The following TMEM135 variants were observed in gnomAD, a reference collection of about 807,000 sequenced individuals.
TMEM135 encodes peroxisomal membrane protein 52.
A neutral mutation model predicts 60.3 loss-of-function variants in TMEM135; 30 were observed. The observed-to-expected ratio is 0.50, with a 90% CI of 0.37 to 0.68. The LOEUF (loss-of-function observed/expected upper bound fraction) is 0.68. TMEM135 is among the 30% of genes least tolerant of loss of function. The pLI, the probability that TMEM135 is intolerant of heterozygous loss-of-function variation, is 0.00. For missense variants in TMEM135, 468 were observed against 548.8 expected, an observed-to-expected ratio of 0.85 and a Z score of 1.47; for synonymous variants, 190 against 186.7, an observed-to-expected ratio of 1.02 and a Z score of -0.14.
intron 7 of TMEM135, among the ~76,000 whole-genome samples, chr11:87,299,382 C>G (rs985837328): frequency 6.6e-6 from 1 of 152,154 alleles, no homozygotes; most frequent in African/African-American, 2.4e-5. Context: ...ACCATTAGCT[C>G]TCCTGAGAAC....
intron 6 of TMEM135, among the ~76,000 whole-genome samples, chr11:87,271,565 T>TATCTC (rs1941863590): frequency 4.2e-3 from 1 of 240 alleles, no homozygotes; most frequent in African/African-American, 0.038. Context: ...AGAATGCAAA[T>TATCTC]ATTAATAATA....
chr11:87,198,492 G>GT (rs1441775293), intron 5 of TMEM135, among the ~76,000 whole-genome samples: 1 of 151,636 alleles, frequency 6.6e-6, no homozygotes, highest in Non-Finnish European at 1.5e-5. Flanking sequence ...TTGTTAGTTG[G>GT]TTTTTCCTTC....
At chr11:87,315,776 G>A (rs1942717831) in intron 12 of TMEM135, among the ~76,000 whole-genome samples, 1 of 151,870 alleles carries the variant, frequency 6.6e-6, no homozygotes, top group Non-Finnish European at 1.5e-5. Context: ...TAGTACCTTA[G>A]CATCCTGCAA....
intron 4 of TMEM135, among the ~76,000 whole-genome samples, chr11:87,102,946 T>C (rs1177273111): frequency 6.6e-6 from 1 of 152,094 alleles, no homozygotes; most frequent in Middle Eastern, 3.2e-3. Context: ...CCCTCTTCCC[T>C]TGGGCTCTGT....
At position 87,258,396 on chromosome 11, in the gene TMEM135, C is replaced by T. The variant is rs182766182; in HGVS notation, c.509+21712C>T. On this transcript the variant is annotated intron_variant, in intron 6 of 14. Coordinates refer to ENST00000305494, the MANE Select transcript of TMEM135 (RefSeq NM_022918.4). The stretch of plus-strand genomic sequence containing the variant: ...TCTTATACATAGGGATTCATAGTGG[C>T]CACATTACACCACAGTTGTAATGCA... 1.1e-3 allele frequency among the ~76,000 whole-genome samples: 163 copies of T among 152,168 alleles called. 1 individual carries two copies. Among genetic ancestry groups the T allele is most frequent in the African/African-American group, 3.7e-3 (153 of 41,510 alleles).
At chr11:87,155,973 T>TTG (rs1938684669) in intron 4 of TMEM135, among the ~76,000 whole-genome samples, 1 of 152,220 alleles carries the variant, frequency 6.6e-6, no homozygotes, top group Admixed American at 6.5e-5. Context: ...GTATGTACTG[T>TTG]TTCTAGACTT....
chr11:87,183,998 A>G (rs999688499), intron 5 of TMEM135, among the ~76,000 whole-genome samples: 31 of 148,670 alleles, frequency 2.1e-4, no homozygotes, highest in African/African-American at 6.9e-4. Flanking sequence ...TTAAACGAAT[A>G]TTTACCTTTT....
At chr11:87,064,044 G>C (rs906798379) in intron 1 of TMEM135, among the ~76,000 whole-genome samples, 1 of 152,056 alleles carries the variant, frequency 6.6e-6, no homozygotes, top group African/African-American at 2.4e-5. Flanking sequence ...GCTATCCAAC[G>C]GTTTTCCAAG....
intron 5 of TMEM135, among the ~76,000 whole-genome samples, chr11:87,162,198 A>AT (rs894577465): frequency 7.5e-4 from 86 of 115,038 alleles, no homozygotes; most frequent in African/African-American, 2.5e-3. Context: ...TATATCTTTT[A>AT]TTTTTTTTTG....
chr11:87,303,347 C>T (rs748814445), intron 8 of TMEM135, among the ~76,000 whole-genome samples: 2 of 152,154 alleles, frequency 1.3e-5, no homozygotes, highest in East Asian at 1.9e-4. Flanking sequence ...AACCACCCCC[C>T]TCTCCAGCCA....
chr11:87,066,779 C>CTTTTTTTTTTTTTTT (rs201355341), intron 1 of TMEM135, among the ~76,000 whole-genome samples: 2 of 129,178 alleles, frequency 1.5e-5, no homozygotes, highest in Admixed American at 7.9e-5. Context: ...TTACTAGATT[C>CTTTTTTTTTTTTTTT]TTTCTTTTTT....
intron 5 of TMEM135, among the ~76,000 whole-genome samples, chr11:87,230,345 A>T (rs1940864628): frequency 6.6e-6 from 1 of 152,114 alleles, no homozygotes; most frequent in Non-Finnish European, 1.5e-5. Context: ...TGAAAACAGC[A>T]ATTTCAGAAT....
intron 4 of TMEM135, among the ~76,000 whole-genome samples, chr11:87,120,107 C>CTTT (rs1565449165): frequency 1.5e-4 from 13 of 84,926 alleles, no homozygotes; most frequent in East Asian, 6.9e-4. Flanking sequence ...CTGTTTTTTT[C>CTTT]TTCTTCTTCT....
intron 6 of TMEM135, among the ~76,000 whole-genome samples, chr11:87,288,128 A>G (rs1349602930): frequency 2.0e-5 from 3 of 152,188 alleles, no homozygotes; most frequent in African/African-American, 2.4e-5. Flanking sequence ...TACGTATCCT[A>G]TTAGAGGACT....
chr11:87,053,597 C>T lies in TMEM135; in HGVS notation c.142-14097C>T, dbSNP rs1041273159. Among the ~76,000 whole-genome samples, 5 of 151,124 alleles carry T rather than the reference C, an allele frequency of 3.3e-5. No homozygotes were observed. The East Asian group carries it at 7.7e-4, about 23-fold the overall frequency. On this transcript the variant is annotated intron_variant, in intron 1 of 14. Coordinates refer to ENST00000305494, the MANE Select transcript of TMEM135 (RefSeq NM_022918.4). ...TTTAAAATGTCAGTACAATTTCTTA[C>T]ATTACAGTTACTTCCCTTACTTTTA...
chr11:87,205,254 A>T (rs74507722), intron 5 of TMEM135, among the ~76,000 whole-genome samples: 3,143 of 152,308 alleles, frequency 0.021, 34 homozygotes, highest in South Asian at 0.031. Context: ...CGGTTGTTTT[A>T]TGGAATATTC....
At chr11:87,210,611 A>G (rs980871186) in intron 5 of TMEM135, among the ~76,000 whole-genome samples, 1 of 152,138 alleles carries the variant, frequency 6.6e-6, no homozygotes. Context: ...TACTAATGCT[A>G]CTGAAATTAT....
chr11:87,276,610 C>G (rs1478902862), intron 6 of TMEM135, among the ~76,000 whole-genome samples: 2 of 149,428 alleles, frequency 1.3e-5, no homozygotes, highest in African/African-American at 4.9e-5. Flanking sequence ...TTGAATGTAA[C>G]GCATAGAATT....
chr11:87,298,949 G>T (rs917391776), intron 7 of TMEM135, among the ~76,000 whole-genome samples: 1 of 151,930 alleles, frequency 6.6e-6, no homozygotes, highest in Non-Finnish European at 1.5e-5. Flanking sequence ...TTAGCTGGGT[G>T]TGGTGATGGG....
Sources: allele counts gnomAD v4.1 joint callset (sites outside exome capture counted in the v4.1 genomes callset), GRCh38; gene constraint gnomAD v4.1.1; transcripts MANE v1.5; gene names NCBI Gene and HGNC (gene_info 2026-07-23, HGNC 2026-07-21).